CLSTN2: variants seen among roughly 807,000 people sequenced by gnomAD.
CLSTN2 encodes the protein calsyntenin 2.
A neutral mutation model predicts 101.2 loss-of-function variants in CLSTN2; 48 were observed. That is an observed-to-expected ratio of 0.47 (90% CI 0.38 to 0.60). The LOEUF (loss-of-function observed/expected upper bound fraction) is 0.60. Ranked by LOEUF, CLSTN2 falls within the 20% of genes least tolerant of loss-of-function variation. The probability of loss-of-function intolerance (pLI) is 0.00; values close to 1 mark genes in which losing one functional copy is unlikely to be tolerated. For synonymous variants in CLSTN2, 481 were observed against 463.6 expected (o/e 1.04, Z -0.48); for missense variants, 1,160 against 1,238.2 (o/e 0.94, Z 0.95).
In CLSTN2 at chr3:140,556,626, G is replaced by A. The variant is rs767767515; in HGVS notation, c.1788G>A (p.Ala596=). The stretch of plus-strand genomic sequence containing the variant: ...TCAACTCCAGGCAGTTCCCAACGGC[G>A]GGTGTGCGGCGCCTCAAAGTATCCT... ...SYINSRQFPT[A]GVRRLKVSSK... The change falls in exon 11 of 17, where the codon GCG becomes GCA. Residue 596 remains alanine (A), a synonymous_variant. Coordinates refer to ENST00000458420, the MANE Select transcript of CLSTN2 (RefSeq NM_022131.3). 95 of 1,613,958 alleles carry A rather than the reference G, an allele frequency of 5.9e-5. No individual in the cohort carries two copies. The highest frequency in any genetic ancestry group is 7.2e-5 in the Non-Finnish European group (85 of 1,179,984).
At position 140,569,158 on chromosome 3, in the gene CLSTN2, T is replaced by C. The variant is rs1361063733; in HGVS notation, c.*2905T>C. On this transcript the variant is annotated 3_prime_UTR_variant, in exon 17 of 17. Transcript: ENST00000458420. ...AGGTATCCAGGTGAGCAGGGTAATG[T>C]GGCTTGCCCTCCCCCAGATATTCTG... The C allele has an allele frequency of 6.6e-6, 1 of 152,264 alleles. No individual in the cohort carries two copies. Among genetic ancestry groups the C allele is most frequent in the Non-Finnish European group, 1.5e-5 (1 of 68,088 alleles). The allele number at this position is 152,264 out of a possible 1,614,324, so 9.4% of individuals were successfully genotyped here.
At chr3:140,325,781 A>G (rs2087326840) in intron 2 of CLSTN2, among the ~76,000 whole-genome samples, 1 of 152,168 alleles carries the variant, frequency 6.6e-6, no homozygotes, top group African/African-American at 2.4e-5. Context: ...GTTGCTAGCC[A>G]TTCGGGACAA....
At chr3:140,564,206 C>G (rs1362388976) in intron 16 of CLSTN2, 61 bp downstream of exon 16, 1 of 1,515,058 alleles carries the variant, frequency 6.6e-7, no homozygotes, top group Non-Finnish European at 9.1e-7. Flanking sequence ...CCCAGCTCAA[C>G]CCTTCCTATG....
intron 11 of CLSTN2, chr3:140,556,905 A>C: frequency 2.1e-6 from 1 of 471,250 alleles, no homozygotes; most frequent in Non-Finnish European, 3.8e-6. Flanking sequence ...TCTAATGCCT[A>C]GAAGGTACTA....
intron 2 of CLSTN2, among the ~76,000 whole-genome samples, chr3:140,379,538 C>A (rs890295066): frequency 2.6e-5 from 4 of 152,182 alleles, no homozygotes; most frequent in African/African-American, 9.7e-5. Flanking sequence ...AGGTTGACAT[C>A]AGAGTAGTGG....
intron 2 of CLSTN2, among the ~76,000 whole-genome samples, chr3:140,307,295 A>G (rs1391924443): frequency 6.6e-6 from 1 of 152,146 alleles, no homozygotes; most frequent in Non-Finnish European, 1.5e-5. Context: ...CATGTGGGAC[A>G]TTTCCAAACC....
intron 1 of CLSTN2, among the ~76,000 whole-genome samples, chr3:140,142,220 T>C (rs1175961601): frequency 6.6e-6 from 1 of 152,216 alleles, no homozygotes; most frequent in Non-Finnish European, 1.5e-5. Context: ...TTCCTTCGTA[T>C]TGATGCTGAG....
chr3:140,318,399 A>C (rs1047688398), intron 2 of CLSTN2, among the ~76,000 whole-genome samples: 18 of 152,196 alleles, frequency 1.2e-4, no homozygotes, highest in African/African-American at 4.1e-4. Flanking sequence ...CAGGTAGATC[A>C]GGAATTTGGG....
chr3:140,301,002 T>A (rs2087053811), intron 2 of CLSTN2, among the ~76,000 whole-genome samples: 1 of 152,118 alleles, frequency 6.6e-6, no homozygotes, highest in East Asian at 1.9e-4. Flanking sequence ...GGAGAAGACC[T>A]ATGTCCCAGC....
intron 1 of CLSTN2, among the ~76,000 whole-genome samples, chr3:140,106,524 C>T (rs2009061983): frequency 6.6e-6 from 1 of 152,166 alleles, no homozygotes; most frequent in Non-Finnish European, 1.5e-5. Context: ...CTCTCTGCCC[C>T]TGTGGGTGAG....
At chr3:140,502,739 G>T (rs752130912) in intron 8 of CLSTN2, among the ~76,000 whole-genome samples, 6 of 152,168 alleles carry the variant, frequency 3.9e-5, no homozygotes, top group Non-Finnish European at 8.8e-5. Flanking sequence ...CAGCAGAGCA[G>T]AAGTGGCGTA....
intron 1 of CLSTN2, among the ~76,000 whole-genome samples, chr3:140,129,828 C>A (rs1387519908): frequency 6.6e-6 from 1 of 152,186 alleles, no homozygotes; most frequent in Non-Finnish European, 1.5e-5. Flanking sequence ...TCACCCCTGA[C>A]TTCTGCATGC....
intron 1 of CLSTN2, among the ~76,000 whole-genome samples, chr3:140,045,413 C>A (rs1461131235): frequency 1.3e-5 from 2 of 152,086 alleles, no homozygotes; most frequent in Non-Finnish European, 2.9e-5. Context: ...ATTCTTCTCT[C>A]TTTTCTTTTT....
intron 1 of CLSTN2, among the ~76,000 whole-genome samples, chr3:139,977,898 T>A (rs1935847279): frequency 6.6e-6 from 1 of 152,224 alleles, no homozygotes; most frequent in African/African-American, 2.4e-5. Context: ...CCATGGTCTC[T>A]GCTCAGCGTG....
chr3:140,233,386 T>G (rs1559814184), intron 2 of CLSTN2, among the ~76,000 whole-genome samples: 1 of 152,136 alleles, frequency 6.6e-6, no homozygotes, highest in Non-Finnish European at 1.5e-5. Flanking sequence ...TCCAAGCTCA[T>G]GCAGCACCCC....
At chr3:140,189,888 A>T (rs1459325819) in intron 2 of CLSTN2, among the ~76,000 whole-genome samples, 1 of 152,182 alleles carries the variant, frequency 6.6e-6, no homozygotes, top group Non-Finnish European at 1.5e-5. Context: ...CCATAAAAAA[A>T]TACCATAGCC....
intron 2 of CLSTN2, among the ~76,000 whole-genome samples, chr3:140,304,988 C>T (rs2087097506): frequency 6.6e-6 from 1 of 152,006 alleles, no homozygotes; most frequent in Non-Finnish European, 1.5e-5. Context: ...TAGTTTGCTT[C>T]TCCCTGGAGG....
chr3:140,084,066 G>A (rs2008640994), intron 1 of CLSTN2, among the ~76,000 whole-genome samples: 1 of 152,154 alleles, frequency 6.6e-6, no homozygotes, highest in Non-Finnish European at 1.5e-5. Context: ...TCTTAACCTG[G>A]AAATGTAGAC....
intron 1 of CLSTN2, among the ~76,000 whole-genome samples, chr3:140,032,848 A>G (rs2007583131): frequency 6.6e-6 from 1 of 152,202 alleles, no homozygotes; most frequent in African/African-American, 2.4e-5. Flanking sequence ...ATTGAGGATA[A>G]CAAAATGCTC....
Sources: allele counts gnomAD v4.1 joint callset (sites outside exome capture counted in the v4.1 genomes callset), GRCh38; gene constraint gnomAD v4.1.1; transcripts MANE v1.5; gene names NCBI Gene and HGNC (gene_info 2026-07-23, HGNC 2026-07-21).